Variants in CCDC178 observed in about 807,000 individuals in gnomAD.
CCDC178 encodes coiled-coil domain-containing protein 178.
Under a neutral mutation model 117.4 loss-of-function variants are expected in CCDC178, and 126 were observed. That is an observed-to-expected ratio of 1.07 (90% confidence interval 0.93 to 1.24). The LOEUF is 1.24. Ranked by LOEUF, CCDC178 falls within the 50% of genes most tolerant of loss-of-function variation. The probability of loss-of-function intolerance (pLI) is 0.00; values close to 1 mark genes in which losing one functional copy is unlikely to be tolerated. For missense variants in CCDC178, 1,030 were observed against 986.9 expected, an observed-to-expected ratio of 1.04 and a Z score of -0.59; for synonymous variants, 283 against 313.4, an observed-to-expected ratio of 0.90 and a Z score of 1.02.
chr18:33,054,968 A>G (rs1309971774), intron 21 of CCDC178, among the ~76,000 whole-genome samples: 4 of 152,220 alleles, frequency 2.6e-5, no homozygotes, highest in South Asian at 2.1e-4. Context: ...AATAGTAGCC[A>G]TTCTGACTGG....
intron 14 of CCDC178, among the ~76,000 whole-genome samples, chr18:33,245,662 A>C (rs1779822720): frequency 6.6e-6 from 1 of 151,876 alleles, no homozygotes; most frequent in Non-Finnish European, 1.5e-5. Flanking sequence ...TAAGAGCATC[A>C]ATAAGAAAGG....
intron 18 of CCDC178, among the ~76,000 whole-genome samples, chr18:33,216,435 T>C (rs146531449): frequency 6.6e-5 from 10 of 152,194 alleles, no homozygotes; most frequent in African/African-American, 2.4e-4. Context: ...CATCCCTTTA[T>C]GACTGTTTGT....
At chr18:33,312,839 G>T (rs1443922511) in intron 11 of CCDC178, among the ~76,000 whole-genome samples, 2 of 152,162 alleles carry the variant, frequency 1.3e-5, no homozygotes, top group Admixed American at 1.3e-4. Flanking sequence ...TTAACAGCTT[G>T]AATCTGGCCA....
At chr18:33,318,875 G>GAA (rs1469146909) in intron 11 of CCDC178, among the ~76,000 whole-genome samples, 1 of 151,962 alleles carries the variant, frequency 6.6e-6, no homozygotes, top group Admixed American at 6.6e-5. Context: ...AATAGATTAT[G>GAA]AAATGTTATA....
chr18:33,416,071 C>T (rs983489901), intron 2 of CCDC178, among the ~76,000 whole-genome samples: 2 of 152,148 alleles, frequency 1.3e-5, no homozygotes, highest in East Asian at 3.9e-4. Context: ...AGGAAAGGGG[C>T]GGCTTAGTAA....
At chr18:33,238,006 C>T (rs2059445431) in intron 15 of CCDC178, among the ~76,000 whole-genome samples, 1 of 152,154 alleles carries the variant, frequency 6.6e-6, no homozygotes, top group African/African-American at 2.4e-5. Context: ...CAGATTCTCT[C>T]AGCTTAGGCA....
intron 20 of CCDC178, among the ~76,000 whole-genome samples, chr18:33,125,257 G>A (rs1325557676): frequency 6.6e-6 from 1 of 151,596 alleles, no homozygotes; most frequent in East Asian, 1.9e-4. Context: ...ACATTCAAGG[G>A]GTATATAAAA....
At chr18:33,379,972 G>T (rs1389219874) in intron 5 of CCDC178, among the ~76,000 whole-genome samples, 8 of 152,088 alleles carry the variant, frequency 5.3e-5, no homozygotes, top group African/African-American at 1.9e-4. Flanking sequence ...AGCAGAGAGG[G>T]CCCCACTGTA....
At chr18:33,403,795 G>A (rs532325095) in intron 3 of CCDC178, among the ~76,000 whole-genome samples, 1 of 152,266 alleles carries the variant, frequency 6.6e-6, no homozygotes, top group South Asian at 2.1e-4. Context: ...ATTGGAGGCT[G>A]AGTGTGGACT....
At chr18:33,383,301 A>G (rs1466696770) in intron 5 of CCDC178, among the ~76,000 whole-genome samples, 1 of 152,132 alleles carries the variant, frequency 6.6e-6, no homozygotes, top group African/African-American at 2.4e-5. Context: ...CCTTCCTGGC[A>G]GCTCTGAAGA....
chr18:33,430,918 C>A (rs985192741), intron 2 of CCDC178, among the ~76,000 whole-genome samples: 18 of 151,492 alleles, frequency 1.2e-4, no homozygotes, highest in South Asian at 2.1e-4. Flanking sequence ...TAAAAACACA[C>A]AAAAAAATTA....
At chr18:33,433,451 G>T (rs2064247512) in intron 2 of CCDC178, among the ~76,000 whole-genome samples, 1 of 152,010 alleles carries the variant, frequency 6.6e-6, no homozygotes, top group Admixed American at 6.6e-5. Context: ...TCCTACTAGA[G>T]GCCTTCAAAC....
intron 5 of CCDC178, among the ~76,000 whole-genome samples, chr18:33,376,018 C>T (rs962331640): frequency 6.6e-6 from 1 of 152,080 alleles, no homozygotes; most frequent in Non-Finnish European, 1.5e-5. Flanking sequence ...AACGGCCAAG[C>T]GGGTGACTTG....
At position 33,211,984 on chromosome 18, in the gene CCDC178, T is replaced by G. The variant is rs1415771098; in HGVS notation, c.2150A>C (p.Lys717Thr). 6.2e-7 allele frequency: 1 copy of G among 1,609,398 alleles called. No individual in the cohort carries two copies. The highest frequency in any genetic ancestry group is 8.5e-7 in the Non-Finnish European group (1 of 1,177,278). ...QTVFDHYMQE[K>T]KDCEERIFEE... is the part of the protein sequence containing the mutation. ...AAAGATTCTCTCTTCACAGTCTTTT[T>G]TCTCTTGCATATAATGATCAAACAC... is the stretch of plus-strand genomic sequence containing the variant. The change falls in exon 20 of 23, where the codon AAA becomes ACA. Residue 717 changes from lysine to threonine, a missense_variant. Lys to Thr is a moderately conservative substitution (Grantham distance 78, BLOSUM62 -1). Coordinates refer to ENST00000383096, the MANE Select transcript of CCDC178 (RefSeq NM_001105528.4).
chr18:33,155,602 C>T (rs1440101445), intron 20 of CCDC178, among the ~76,000 whole-genome samples: 2 of 152,048 alleles, frequency 1.3e-5, no homozygotes, highest in African/African-American at 4.8e-5. Context: ...AGATCAGTTG[C>T]AAATATCTAG....
At chr18:33,201,132 G>C (rs1269534720) in intron 20 of CCDC178, among the ~76,000 whole-genome samples, 2 of 152,142 alleles carry the variant, frequency 1.3e-5, no homozygotes, top group Non-Finnish European at 2.9e-5. Flanking sequence ...GTACTTCAAA[G>C]CATTCACCAA....
At chr18:33,170,371 C>A (rs1240876740) in intron 20 of CCDC178, among the ~76,000 whole-genome samples, 1 of 151,932 alleles carries the variant, frequency 6.6e-6, no homozygotes, top group Admixed American at 6.6e-5. Context: ...CTTTTGGATT[C>A]TTAACCAAAA....
chr18:32,958,091 G>GTC, intron 22 of CCDC178: 1 of 376,108 alleles, frequency 2.7e-6, no homozygotes, highest in Non-Finnish European at 4.9e-6. Context: ...GCAAATGATG[G>GTC]GCTAAATTAT....
In CCDC178 at chr18:33,013,782, T is replaced by C. The variant is rs578012014; in HGVS notation, c.2389-39101A>G. ...AGAAAAATCCAGGGAAGACTATATA[T>C]ATGCATACAAAGATCTTGCCAATGT... On this transcript the variant is annotated intron_variant, in intron 21 of 22. Transcript: ENST00000383096. Among the ~76,000 whole-genome samples the C allele has an allele frequency of 9.8e-5, 15 of 152,316 alleles. No homozygotes were observed. In the East Asian group the frequency reaches 2.5e-3, roughly 26 times the overall value.
Sources: gnomAD v4.1 joint callset for allele counts (sites outside exome capture counted in the v4.1 genomes callset) on GRCh38, gnomAD v4.1.1 for gene constraint, MANE v1.5 for transcripts, NCBI Gene and HGNC (gene_info 2026-07-23, HGNC 2026-07-21) for gene names.